MUC4: variants seen among roughly 807,000 people sequenced by gnomAD.
MUC4 encodes the protein mucin 4, cell surface associated.
A neutral mutation model predicts 257.9 loss-of-function variants in MUC4; 202 were observed. The observed-to-expected ratio is 0.78, with a 90% confidence interval of 0.70 to 0.88. The LOEUF is 0.88. MUC4 is among the 40% of genes least tolerant of loss of function. The probability of loss-of-function intolerance (pLI) is 0.00; values close to 1 mark genes in which losing one functional copy is unlikely to be tolerated. For missense variants in MUC4, 5,976 were observed against 6,513.7 expected, an observed-to-expected ratio of 0.92 and a Z score of 2.84; for synonymous variants, 2,351 against 2,757.1, an observed-to-expected ratio of 0.85 and a Z score of 4.62.
intron 7 of MUC4, among the ~76,000 whole-genome samples, chr3:195,767,480 T>TCACCACCACCATCACCAC (rs1720870971): frequency 8.9e-5 from 4 of 44,936 alleles, no homozygotes; most frequent in Non-Finnish European, 2.2e-4. Context: ...ACCATCACCA[T>TCACCACCACCATCACCAC]CACCACCACC....
chr3:195,783,069 G>C lies in MUC4; in HGVS notation c.8511C>G (p.Ile2837Met), dbSNP rs1729132508. The C allele has an allele frequency of 3.8e-6, 3 of 787,268 alleles. No individual in the cohort carries two copies. Among genetic ancestry groups the C allele is most frequent in the African/African-American group, 4.0e-5 (2 of 50,448 alleles). The allele number at this position is 787,268 out of a possible 1,614,324, so 48.8% of individuals were successfully genotyped here. A position where few individuals can be genotyped will look rare whatever the true frequency, so the allele number is the denominator to read the frequency against. The change falls in exon 2 of 25, where the codon ATC (isoleucine) becomes ATG (methionine). Residue 2837 changes from isoleucine to methionine, a missense_variant. Transcript: ENST00000463781. ...TGTGACCTGAGGATGCTGAGGAAGG[G>C]ATGGTGACAGGAAGAGAGGTGGCAT... ...TGHATSLPVT[I>M]PSSASSGHTT...
chr3:195,771,509 T>G, intron 5 of MUC4, 143 bp downstream of exon 5: 1 of 971,750 alleles, frequency 1.0e-6, no homozygotes, highest in Non-Finnish European at 1.5e-6. Context: ...CCTTGACTGC[T>G]TCCTCCCACA....
chr3:195,789,076 G>A lies in MUC4; in HGVS notation c.2504C>T (p.Ser835Phe), dbSNP rs760751320. The A allele has an allele frequency of 2.5e-6, 4 of 1,613,642 alleles. No individual in the cohort carries two copies. The highest frequency in any genetic ancestry group is 1.3e-5 in the African/African-American group (1 of 74,980). Residue 835 changes from serine (S) to phenylalanine (F), a missense_variant, in exon 2 of 25, where the codon TCC becomes TTC. Around this residue, in one of 44 missense-constraint regions of MUC4, gnomAD observed 1,583 missense variants for 1,257.4 expected, o/e 1.26. Transcript: ENST00000463781. ...GETTRFSSNPSRDSHTTQSTT... is the reference protein window; with the variant it reads ...GETTRFSSNPFRDSHTTQSTT... ...TGACTGGGTTGTGTGACTGTCCCTGGAGGGGTTTGATGAAAACCTTGTCGT... is the reference window on the plus strand; with the variant it reads ...TGACTGGGTTGTGTGACTGTCCCTGAAGGGGTTTGATGAAAACCTTGTCGT...
Position 195,780,958 on chromosome 3 carries a change from C to G in MUC4, c.10622G>C (p.Ser3541Thr), listed in dbSNP as rs746132016. Reference protein sequence around the residue: ...TGHATPLPVTSLSSVSTGDTT... With the variant: ...TGHATPLPVTTLSSVSTGDTT... ...GTCACCTGTGGATACTGAGGAAAGG[C>G]TGGTGACAGGAAGAGGCGTGGCGTG... Residue 3541 changes from serine (S) to threonine (T), a missense_variant, in exon 2 of 25, where the codon AGC becomes ACC. Transcript: ENST00000463781. 2.2e-6 allele frequency: 3 copies of G among 1,368,034 alleles called. 1 individual carries two copies. The highest frequency in any genetic ancestry group is 2.9e-6 in the Non-Finnish European group (3 of 1,028,750). 84.7% of individuals were successfully genotyped at this position (1,368,034 alleles called of 1,614,324 possible).
intron 4 of MUC4, among the ~76,000 whole-genome samples, chr3:195,772,782 G>A (rs867782985): frequency 2.3e-5 from 3 of 132,592 alleles, no homozygotes; most frequent in Admixed American, 7.6e-5. Context: ...TCGCTCAGGG[G>A]TGTAGACACC....
chr3:195,796,427 T>C (rs1734587756), intron 1 of MUC4, among the ~76,000 whole-genome samples: 1 of 152,036 alleles, frequency 6.6e-6, no homozygotes, highest in South Asian at 2.1e-4. Context: ...AAAAATATAA[T>C]CTAGGCCGGG....
At chr3:195,761,872 CCT>C (rs1719012016) in intron 14 of MUC4, among the ~76,000 whole-genome samples, 1 of 152,134 alleles carries the variant, frequency 6.6e-6, no homozygotes, top group Admixed American at 6.5e-5. Context: ...CGCAGCCCCC[CCT>C]GATGCTCCCT....
At chr3:195,770,089 G>T in intron 6 of MUC4, 127 bp downstream of exon 6, 3 of 1,011,924 alleles carry the variant, frequency 3.0e-6, no homozygotes, top group Non-Finnish European at 4.1e-6. Context: ...GTGGCGGTGG[G>T]GGGGCTTGCT....
chr3:195,775,727 A>T (rs1253740415), intron 3 of MUC4, among the ~76,000 whole-genome samples: 3 of 20,856 alleles, frequency 1.4e-4, no homozygotes, highest in Admixed American at 9.0e-4. Context: ...TTCCACATCC[A>T]TACCTTCCAC....
intron 14 of MUC4, 126 bp from the exon 15 acceptor site, chr3:195,761,711 G>A: frequency 1.4e-6 from 1 of 717,822 alleles, no homozygotes; most frequent in South Asian, 1.8e-5. Flanking sequence ...CTGCTGTCAG[G>A]CCTCCAGGGG....
chr3:195,785,194 A>G lies in MUC4; in HGVS notation c.6386T>C (p.Leu2129Pro). ...SSLSTGDTTP[L>P]PVTSPSSTST... ...TGTTGAGGAAGGGCTGGTGACAGGAAGAGGGGTGGTGTCCCCTGTGGATAA... is the reference window on the plus strand; with the variant it reads ...TGTTGAGGAAGGGCTGGTGACAGGAGGAGGGGTGGTGTCCCCTGTGGATAA... The change falls in exon 2 of 25, where the codon CTT becomes CCT. Residue 2129 changes from leucine to proline, a missense_variant. By Grantham distance (98) the Leu-to-Pro change is moderately conservative (BLOSUM62 -3). Around this residue, in one of 44 missense-constraint regions of MUC4, gnomAD observed 85 missense variants for 325.0 expected, o/e 0.26. Transcript: ENST00000463781. 6.5e-7 allele frequency: 1 copy of G among 1,548,446 alleles called. No individual in the cohort carries two copies. Among genetic ancestry groups the G allele is most frequent in the Non-Finnish European group, 8.7e-7 (1 of 1,144,698 alleles).
rs1717448294 is a variant in MUC4 at position 195,755,301 on chromosome 3, T to G, written c.15169-929A>C. On this transcript the variant is annotated intron_variant, in intron 18 of 24. Coordinates refer to ENST00000463781, the MANE Select transcript of MUC4 (RefSeq NM_018406.7). The surrounding 1 kb of genome is among the most constrained non-coding windows in gnomAD (Gnocchi z 5.0). ...ATGTCCCCCTCCCAAGTTAAAGCAA[T>G]TCTTGTGCCTCAGCCTCCCAAATAC... 6.6e-6 allele frequency among the ~76,000 whole-genome samples: 1 copy of G among 151,994 alleles called. No individual in the cohort carries two copies. The highest frequency in any genetic ancestry group is 1.5e-5 in the Non-Finnish European group (1 of 68,008).
intron 20 of MUC4, 135 bp downstream of exon 20, chr3:195,752,916 T>C: frequency 3.5e-6 from 3 of 845,594 alleles, no homozygotes; most frequent in Non-Finnish European, 5.4e-6. Context: ...CCTTACACCA[T>C]CCCAGAGAAA....
intron 1 of MUC4, among the ~76,000 whole-genome samples, chr3:195,800,894 A>G (rs891671360): frequency 6.7e-6 from 1 of 150,360 alleles, no homozygotes; most frequent in African/African-American, 2.4e-5. Flanking sequence ...TTCTCTGAAA[A>G]AAAAAAAAAA....
Position 195,765,297 on chromosome 3 carries a change from C to A in MUC4, c.13771G>T (p.Asp4591Tyr), listed in dbSNP as rs777406807. Reference sequence around the variant, plus strand: ...ATGCTGACGGGTTGGAATCGTAAGTCCCGTCGTCCCTGCTGCCAGGAACAA... The same window carrying A: ...ATGCTGACGGGTTGGAATCGTAAGTACCGTCGTCCCTGCTGCCAGGAACAA... ...CPCSWQQGRR[D>Y]LRFQPVSIGR... Residue 4591 changes from aspartate to tyrosine, a missense_variant, in exon 9 of 25, where the codon GAC becomes TAC. By Grantham distance (160) the Asp-to-Tyr change is radical. Coordinates refer to ENST00000463781, the MANE Select transcript of MUC4 (RefSeq NM_018406.7). 2.5e-6 allele frequency: 4 copies of A among 1,613,266 alleles called. No homozygotes were observed. Among genetic ancestry groups the A allele is most frequent in the Non-Finnish European group, 3.4e-6 (4 of 1,179,722 alleles).
At position 195,790,925 on chromosome 3, in the gene MUC4, T is replaced by C. The variant is rs922061235; in HGVS notation, c.655A>G (p.Thr219Ala). 14 of 1,613,710 alleles carry C rather than the reference T, an allele frequency of 8.7e-6. 1 individual carries two copies. In the South Asian group the frequency reaches 1.5e-4, roughly 18 times the overall value. The change falls in exon 2 of 25, where the codon ACT becomes GCT. Residue 219 changes from threonine (T) to alanine (A), a missense_variant. Physicochemically the swap from Thr to Ala is moderately conservative, Grantham distance 58. Coordinates refer to ENST00000463781, the MANE Select transcript of MUC4 (RefSeq NM_018406.7). ...CTTGGAGAGAAAGAAGGAGTTGAAGTGGTTCTGTGTGTTAGGGTGCTGGTT... is the reference window on the plus strand; with the variant it reads ...CTTGGAGAGAAAGAAGGAGTTGAAGCGGTTCTGTGTGTTAGGGTGCTGGTT... The part of the protein sequence containing the change: ...SQTSTLTHRT[T>A]STPSFSPSVH...
chr3:195,757,424 A>T lies in MUC4; in HGVS notation c.14987-96T>A. ...GGGCTTCCCCCACCCCTCTCAGGCC[A>T]CCCTCCCCCTCCCCAGACAAATCTC... On this transcript the variant is annotated intron_variant, in intron 17 of 24. Transcript: ENST00000463781. This position sits in a 1 kb window ranked among gnomAD's most constrained non-coding sequence, Gnocchi z 4.8. 2 of 1,071,416 alleles carry T rather than the reference A, an allele frequency of 1.9e-6. No individual in the cohort carries two copies. The highest frequency in any genetic ancestry group is 2.6e-6 in the Non-Finnish European group (2 of 770,814). The allele number at this position is 1,071,416 out of a possible 1,614,324, so 66.4% of individuals were successfully genotyped here. A position where few individuals can be genotyped will look rare whatever the true frequency, so the allele number is the denominator to read the frequency against.
chr3:195,780,382 C>A lies in MUC4; in HGVS notation c.11198G>T (p.Ser3733Ile), dbSNP rs754225717. The A allele has an allele frequency of 2.5e-5, 35 of 1,396,968 alleles. 2 individuals are homozygous for A. The African/African-American group carries it at 6.1e-4, about 24-fold the overall frequency. 86.5% of individuals were successfully genotyped at this position (1,396,968 alleles called of 1,614,324 possible). ...GTGACCTGTGGATGCTGAGGAAGGG[C>A]TGGTGACATGAAGAGGGGTGACGTG... ...TGHVTPLHVT[S>I]PSSASTGHVT... Residue 3733 changes from serine (S) to isoleucine (I), a missense_variant, in exon 2 of 25, where the codon AGC (serine) becomes ATC (isoleucine). By Grantham distance (142) the Ser-to-Ile change is moderately radical. Coordinates refer to ENST00000463781, the MANE Select transcript of MUC4 (RefSeq NM_018406.7).
Position 195,790,205 on chromosome 3 carries a change from C to T in MUC4, c.1375G>A (p.Ala459Thr), listed in dbSNP as rs146507198. The stretch of plus-strand genomic sequence containing the variant: ...TCATGAGGCCGTCCTGTGGTCTCTG[C>T]ACCTTCACTCTGCTGGGTGTGGAAA... ...TAFHTQQSEG[A>T]ETTGRPHERS... Residue 459 changes from alanine to threonine, a missense_variant, in exon 2 of 25, where the codon GCA (alanine) becomes ACA (threonine). By Grantham distance (58) the Ala-to-Thr change is moderately conservative. Around this residue, in one of 44 missense-constraint regions of MUC4, gnomAD observed 1,583 missense variants for 1,257.4 expected, o/e 1.26. Coordinates refer to ENST00000463781, the MANE Select transcript of MUC4 (RefSeq NM_018406.7). 902 of 1,613,996 alleles carry T rather than the reference C, an allele frequency of 5.6e-4. 6 individuals carry two copies. In the African/African-American group the frequency reaches 0.011, roughly 19 times the overall value.
Sources: gnomAD v4.1 joint callset for allele counts (sites outside exome capture counted in the v4.1 genomes callset) on GRCh38, gnomAD v4.1.1 for gene constraint, gnomAD v4.1.1 regional missense constraint, Gnocchi (gnomAD v3.1) non-coding constraint, MANE v1.5 for transcripts, NCBI Gene and HGNC (gene_info 2026-07-23, HGNC 2026-07-21) for gene names.